SIK3: variants seen among roughly 807,000 people sequenced by gnomAD.
SIK3 encodes the protein SIK family kinase 3, also known as serine/threonine-protein kinase SIK3.
In SIK3, 28 loss-of-function variants were observed where a neutral mutation model predicts 144.2. That is an observed-to-expected ratio of 0.19 (90% CI 0.14 to 0.27). The LOEUF (loss-of-function observed/expected upper bound fraction) is 0.27. SIK3 is among the 10% of genes least tolerant of loss of function. The pLI, the probability that SIK3 is intolerant of heterozygous loss-of-function variation, is 1.00. For synonymous variants in SIK3, 686 were observed against 676.3 expected (o/e 1.01, Z -0.22); for missense variants, 1,319 against 1,776.0 (o/e 0.74, Z 4.62).
intron 6 of SIK3, 98 bp downstream of exon 6, chr11:116,896,155 A>G: frequency 6.6e-7 from 1 of 1,516,394 alleles, no homozygotes; most frequent in Non-Finnish European, 9.0e-7. Flanking sequence ...AAAGGTTGTA[A>G]GTGGGCCATT....
chr11:116,874,416 T>C (rs1183884200), intron 11 of SIK3, among the ~76,000 whole-genome samples: 1 of 152,190 alleles, frequency 6.6e-6, no homozygotes, highest in Admixed American at 6.5e-5. Flanking sequence ...CTGCCTGAAG[T>C]AGCAACTGAT....
In SIK3 at chr11:116,858,643, T is replaced by C. The variant is rs966391875; in HGVS notation, c.2822A>G (p.His941Arg). 2.5e-6 allele frequency: 4 copies of C among 1,590,238 alleles called. No homozygotes were observed. The Admixed American group carries it at 7.1e-5, about 28-fold the overall frequency. ...ACCCCGGGACTGGTCCGAAAACAGA[T>C]GGGGGTGTAAATGCGCCTGGTCGTA... ...ANYDQAHLHP[H>R]LFSDQSRGSP... The change falls in exon 21 of 25, where the codon CAT (histidine) becomes CGT (arginine). Residue 941 changes from histidine (H) to arginine (R), a missense_variant. Transcript: ENST00000445177. This position sits in a 1 kb window ranked among gnomAD's most constrained non-coding sequence, Gnocchi z 5.4.
chr11:116,865,234 G>A (rs927790927), intron 15 of SIK3, among the ~76,000 whole-genome samples: 3 of 151,942 alleles, frequency 2.0e-5, no homozygotes, highest in African/African-American at 7.2e-5. Flanking sequence ...AAATGGACAT[G>A]TTTCTGATCC....
At chr11:116,967,003 C>CA (rs780692335) in intron 1 of SIK3, among the ~76,000 whole-genome samples, 1,335 of 99,898 alleles carry the variant, frequency 0.013, 30 homozygotes, top group South Asian at 0.032. Context: ...GACTCTGTTT[C>CA]AAAAAAAAAA....
chr11:117,060,207 C>T (rs115011996), intron 1 of SIK3, among the ~76,000 whole-genome samples: 79 of 152,214 alleles, frequency 5.2e-4, no homozygotes, highest in Middle Eastern at 3.4e-3. Context: ...TTGGAGGAAA[C>T]CTAAATGCAC....
At position 116,947,569 on chromosome 11, in the gene SIK3, A is replaced by ATGTATGTATT. The variant is rs374241141; in HGVS notation, c.454+6474_454+6475insAATACATACA. ...TATGTATGTATGTATGTATGTATGT[A>ATGTATGTATT]TTTTTTTTTTTTTTGAGACAGAGTC... On this transcript the variant is annotated intron_variant, in intron 3 of 24. Transcript: ENST00000445177. 8.6e-3 allele frequency among the ~76,000 whole-genome samples: 945 copies of ATGTATGTATT among 109,388 alleles called. 16 individuals are homozygous for ATGTATGTATT. The highest frequency in any genetic ancestry group is 0.015 in the African/African-American group (470 of 31,814). 71.8% of individuals were successfully genotyped at this position (109,388 alleles called of 152,430 possible).
rs184290134 is a variant in SIK3 at position 117,035,454 on chromosome 11, C to T, written c.273+62689G>A. 6.6e-3 allele frequency among the ~76,000 whole-genome samples: 1,005 copies of T among 152,304 alleles called. 3 individuals are homozygous for T. The highest frequency in any genetic ancestry group is 0.011 in the Non-Finnish European group (732 of 68,024). ...TAATGATTCTATTTGCAAATTAAAA[C>T]TTCCTGCTATTCCATTTTAAAGCTT... On this transcript the variant is annotated intron_variant, in intron 1 of 24. Transcript: ENST00000445177.
chr11:116,906,805 A>G (rs1437228344), intron 4 of SIK3, among the ~76,000 whole-genome samples: 1 of 152,252 alleles, frequency 6.6e-6, no homozygotes, highest in African/African-American at 2.4e-5. Flanking sequence ...TACAAATATA[A>G]TCCAGATCCA....
chr11:116,982,282 T>A (rs868557249), intron 1 of SIK3, among the ~76,000 whole-genome samples: 6 of 149,908 alleles, frequency 4.0e-5, no homozygotes, highest in Non-Finnish European at 8.9e-5. Context: ...CTCTGCCTTA[T>A]GAAATGATGC....
At chr11:117,066,121 G>C (rs1954004262) in intron 1 of SIK3, among the ~76,000 whole-genome samples, 1 of 148,918 alleles carries the variant, frequency 6.7e-6, no homozygotes, top group African/African-American at 2.5e-5. Flanking sequence ...CCAGGCTGGA[G>C]TGCAGTGGTG....
At position 116,947,569 on chromosome 11, in the gene SIK3, A is replaced by ATGTATT. The variant is rs374241141; in HGVS notation, c.454+6474_454+6475insAATACA. 2.2e-3 allele frequency among the ~76,000 whole-genome samples: 236 copies of ATGTATT among 109,434 alleles called. 1 individual carries two copies. Among genetic ancestry groups the ATGTATT allele is most frequent in the African/African-American group, 4.8e-3 (153 of 31,826 alleles). 71.8% of individuals were successfully genotyped at this position (109,434 alleles called of 152,430 possible). On this transcript the variant is annotated intron_variant, in intron 3 of 24. Coordinates refer to ENST00000445177, the MANE Select transcript of SIK3 (RefSeq NM_001366686.3). ...TATGTATGTATGTATGTATGTATGT[A>ATGTATT]TTTTTTTTTTTTTTGAGACAGAGTC... is the stretch of plus-strand genomic sequence containing the variant.
intron 1 of SIK3, among the ~76,000 whole-genome samples, chr11:117,016,691 T>C (rs965758393): frequency 4.6e-5 from 7 of 152,230 alleles, no homozygotes; most frequent in Non-Finnish European, 8.8e-5. Flanking sequence ...ATGTTCTTTA[T>C]GTTAATTAGT....
chr11:116,865,467 T>C (rs1943584709), intron 15 of SIK3, among the ~76,000 whole-genome samples: 1 of 152,144 alleles, frequency 6.6e-6, no homozygotes, highest in African/African-American at 2.4e-5. Context: ...TTGTGCTTGA[T>C]TTTATTTTTA....
At chr11:116,899,145 TGTGTAAG>T (rs1158329662) in intron 4 of SIK3, among the ~76,000 whole-genome samples, 1 of 152,214 alleles carries the variant, frequency 6.6e-6, no homozygotes, top group African/African-American at 2.4e-5. Context: ...AATTGATTTT[TGTGTAAG>T]GTGTAAGGAA....
intron 1 of SIK3, among the ~76,000 whole-genome samples, chr11:117,047,317 C>T (rs141545664): frequency 1.6e-4 from 24 of 152,090 alleles, no homozygotes; most frequent in African/African-American, 5.5e-4. Flanking sequence ...TTTGACTATC[C>T]CTTTGTTAGA....
intron 1 of SIK3, among the ~76,000 whole-genome samples, chr11:117,050,268 G>T (rs112422338): frequency 6.7e-6 from 1 of 150,286 alleles, no homozygotes; most frequent in East Asian, 2.0e-4. Context: ...CAGCCTGGGC[G>T]ACAAGATCAA....
intron 13 of SIK3, 104 bp downstream of exon 13, chr11:116,873,377 G>A: frequency 6.7e-7 from 1 of 1,486,080 alleles, no homozygotes; most frequent in East Asian, 2.3e-5. Context: ...GGAGAAAAAG[G>A]AAATTCAGAC....
At chr11:116,985,973 C>T (rs1017713544) in intron 1 of SIK3, among the ~76,000 whole-genome samples, 5 of 152,152 alleles carry the variant, frequency 3.3e-5, no homozygotes, top group African/African-American at 1.2e-4. Context: ...TAAGGTCACA[C>T]AACCAGATCT....
intron 21 of SIK3, among the ~76,000 whole-genome samples, chr11:116,853,507 C>A (rs975757871): frequency 6.6e-6 from 1 of 152,200 alleles, no homozygotes; most frequent in African/African-American, 2.4e-5. Flanking sequence ...TGCACGCCAC[C>A]CACCTTCCCG....
Sources: allele counts gnomAD v4.1 joint callset (sites outside exome capture counted in the v4.1 genomes callset), GRCh38; gene constraint gnomAD v4.1.1; non-coding constraint Gnocchi (gnomAD v3.1); transcripts MANE v1.5; gene names NCBI Gene and HGNC (gene_info 2026-07-23, HGNC 2026-07-21).